The following CYGB variants were observed in gnomAD, a reference collection of about 807,000 sequenced individuals.
CYGB encodes cytoglobin.
A neutral mutation model predicts 20.7 loss-of-function variants in CYGB; 13 were observed. The ratio of observed to expected loss-of-function variants is 0.63; its 90% CI spans 0.41 to 1.00. The LOEUF (loss-of-function observed/expected upper bound fraction) is 1.00, where lower values mean the gene tolerates loss of function less well. Among genes scored for constraint, CYGB ranks in the 50% least tolerant of loss-of-function variants. The probability of loss-of-function intolerance (pLI) is 0.00; values close to 1 mark genes in which losing one functional copy is unlikely to be tolerated. For missense variants in CYGB, 218 were observed against 257.2 expected (o/e 0.85, Z 1.04); for synonymous variants, 93 against 107.4 (o/e 0.87, Z 0.83).
Position 76,530,252 on chromosome 17 carries a change from C to T in CYGB, c.539+727G>A, listed in dbSNP as rs1380498075. ...TCCATTCAGCTCCCAGAGTCAGCCT[C>T]CCCTTGGGGGCCCAGGGAGGCCGAG... On this transcript the variant is annotated intron_variant, in intron 3 of 3. Transcript: ENST00000293230. The surrounding 1 kb of genome is among the most constrained non-coding windows in gnomAD (Gnocchi z 6.1). Among the ~76,000 whole-genome samples, 1 of 151,998 alleles carries T rather than the reference C, an allele frequency of 6.6e-6. No individual in the cohort carries two copies. The highest frequency in any genetic ancestry group is 1.5e-5 in the Non-Finnish European group (1 of 68,012).
At chr17:76,534,146 T>TTCTCTTTCTCTCTCTCTCTC in intron 1 of CYGB, among the ~76,000 whole-genome samples, 1 of 129,016 alleles carries the variant, frequency 7.8e-6, no homozygotes, top group East Asian at 2.2e-4. Flanking sequence ...CTCTTTCTCT[T>TTCTCTTTCTCTCTCTCTCTC]TCTCTCTCTC....
intron 1 of CYGB, among the ~76,000 whole-genome samples, chr17:76,534,174 C>CTT (rs2074887946): frequency 1.9e-5 from 2 of 106,072 alleles, no homozygotes; most frequent in Non-Finnish European, 4.0e-5. Context: ...CTCTCTCTCT[C>CTT]TCTTTCTTTC....
intron 1 of CYGB, chr17:76,544,438 C>T (rs915865010): frequency 6.6e-6 from 3 of 454,962 alleles, no homozygotes; most frequent in South Asian, 3.1e-5. Flanking sequence ...AGGTGCACCC[C>T]GCTGGGGAGG....
intron 1 of CYGB, chr17:76,543,740 C>T (rs1371420806): frequency 6.4e-6 from 3 of 469,144 alleles, no homozygotes; most frequent in Non-Finnish European, 1.3e-5. Context: ...CACTTGTGGT[C>T]CGAGGTGCTG....
At chr17:76,548,073 T>A (rs2075072609) in intron 1 of CYGB, among the ~76,000 whole-genome samples, 1 of 150,952 alleles carries the variant, frequency 6.6e-6, no homozygotes, top group Non-Finnish European at 1.5e-5. Context: ...CAGACATACA[T>A]GTACACACAC....
chr17:76,532,994 TC>T (rs1308432952), intron 1 of CYGB, among the ~76,000 whole-genome samples: 5 of 152,178 alleles, frequency 3.3e-5, no homozygotes, highest in Non-Finnish European at 7.4e-5. Flanking sequence ...CCTTCGTGTG[TC>T]CCCTTTGCGA....
rs189734298 is a variant in CYGB, at chr17:76,527,961, T to C, written c.*617A>G. On this transcript the variant is annotated 3_prime_UTR_variant, in exon 4 of 4. Coordinates refer to ENST00000293230, the MANE Select transcript of CYGB (RefSeq NM_134268.5). ...CCGCCAAGCCGGGTTGCCCCAGCCC[T>C]GCCCCTCCAGGCCCAGGTCCTCTGC... 8.0e-3 allele frequency: 3,015 copies of C among 377,492 alleles called. 79 individuals are homozygous for C. Among genetic ancestry groups the C allele is most frequent in the Admixed American group, 0.056 (1,874 of 33,202 alleles). 23.4% of individuals were successfully genotyped at this position (377,492 alleles called of 1,614,324 possible).
At chr17:76,542,651 G>T, upstream of CYGB, 1 of 1,534,190 alleles carries the variant, frequency 6.5e-7, no homozygotes, top group South Asian at 1.1e-5. Context: ...AGGGCTGGGA[G>T]CCGGGGAGGG....
chr17:76,540,274 G>A (rs1270410909), upstream of CYGB: 126 of 1,463,950 alleles, frequency 8.6e-5, no homozygotes, highest in South Asian at 1.1e-3. The surrounding 1 kb of genome is among the most constrained non-coding windows in gnomAD (Gnocchi z 5.0). Flanking sequence ...CATGGGGCTG[G>A]GCTGCCACCA....
chr17:76,531,826 A>G lies in CYGB; in HGVS notation c.144-135T>C, dbSNP rs2074848592. Reference sequence around the variant, plus strand: ...CCGCACCGTCACTGTTTTCACTACCATCAGTAGACCTCAGCATAGACCCTC... The same window carrying G: ...CCGCACCGTCACTGTTTTCACTACCGTCAGTAGACCTCAGCATAGACCCTC... On this transcript the variant is annotated intron_variant, in intron 1 of 3. Coordinates refer to ENST00000293230, the MANE Select transcript of CYGB (RefSeq NM_134268.5). This position sits in a 1 kb window ranked among gnomAD's most constrained non-coding sequence, Gnocchi z 7.4. 2 of 706,450 alleles carry G rather than the reference A, an allele frequency of 2.8e-6. No individual in the cohort carries two copies. The highest frequency in any genetic ancestry group is 4.7e-6 in the Non-Finnish European group (2 of 428,040). 43.8% of individuals were successfully genotyped at this position (706,450 alleles called of 1,614,324 possible).
Position 76,528,043 on chromosome 17 carries a change from C to T in CYGB, c.*535G>A. On this transcript the variant is annotated 3_prime_UTR_variant, in exon 4 of 4. Transcript: ENST00000293230. The surrounding 1 kb of genome is among the most constrained non-coding windows in gnomAD (Gnocchi z 5.8). ...CTCTGTTCTCTGCACAACCGGAACCCCTCCCTGCCCCACTCACAGGTGGGC... is the reference window on the plus strand; with the variant it reads ...CTCTGTTCTCTGCACAACCGGAACCTCTCCCTGCCCCACTCACAGGTGGGC... The T allele has an allele frequency of 8.1e-6, 3 of 368,160 alleles. No individual in the cohort carries two copies. Among genetic ancestry groups the T allele is most frequent in the South Asian group, 7.1e-5 (3 of 42,076 alleles). The allele number at this position is 368,160 out of a possible 1,614,324, so 22.8% of individuals were successfully genotyped here.
At position 76,530,978 on chromosome 17, in the gene CYGB, C is replaced by T. The variant is rs753908896; in HGVS notation, c.539+1G>A. On this transcript the variant is annotated splice_donor_variant, in intron 3 of 3. Transcript: ENST00000293230. LOFTEE classifies it high-confidence loss of function. This position sits in a 1 kb window ranked among gnomAD's most constrained non-coding sequence, Gnocchi z 6.1. The stretch of plus-strand genomic sequence containing the variant: ...CAGCCCACCCTCGCCCGCCTCCTCA[C>T]GTGGTGGCGTTGGGGACCTGCTGCA... 4.4e-6 allele frequency: 7 copies of T among 1,595,708 alleles called. No individual in the cohort carries two copies. The highest frequency in any genetic ancestry group is 2.6e-6 in the Non-Finnish European group (3 of 1,170,240).
At chr17:76,538,289 A>C (rs1255402265), upstream of CYGB, 1 of 193,566 alleles carries the variant, frequency 5.2e-6, no homozygotes, top group Non-Finnish European at 1.1e-5. Flanking sequence ...CCGCGGCGCC[A>C]CTCCCACGGC....
At chr17:76,529,022 C>G (rs1339668547) in intron 3 of CYGB, 1 of 991,262 alleles carries the variant, frequency 1.0e-6, no homozygotes, top group African/African-American at 1.8e-5. Context: ...TCGGTACACA[C>G]AGCGCCCCCT....
chr17:76,540,451 A>G, upstream of CYGB: 10 of 1,587,240 alleles, frequency 6.3e-6, no homozygotes, highest in Non-Finnish European at 8.6e-6. The surrounding 1 kb of genome is among the most constrained non-coding windows in gnomAD (Gnocchi z 5.0). Context: ...GTGGAGGGAC[A>G]GTGAGGGGCT....
intron 1 of CYGB, among the ~76,000 whole-genome samples, chr17:76,548,048 TCA>T (rs369585330): frequency 6.0e-5 from 9 of 148,842 alleles, no homozygotes; most frequent in Admixed American, 4.0e-4. Flanking sequence ...ATACGAACAT[TCA>T]CACACATACA....
chr17:76,538,687 C>A (rs977121333), upstream of CYGB, among the ~76,000 whole-genome samples: 6 of 152,254 alleles, frequency 3.9e-5, no homozygotes, highest in African/African-American at 1.4e-4. Context: ...GCAAATCCTT[C>A]CTCCTGGTGG....
chr17:76,548,029 CAT>C (rs1220322569), intron 1 of CYGB, among the ~76,000 whole-genome samples: 5 of 151,984 alleles, frequency 3.3e-5, no homozygotes, highest in Non-Finnish European at 7.4e-5. Context: ...CATACACAGA[CAT>C]ACACATATAC....
chr17:76,547,672 C>T (rs531361342), intron 1 of CYGB, among the ~76,000 whole-genome samples: 12 of 151,276 alleles, frequency 7.9e-5, no homozygotes, highest in African/African-American at 2.7e-4. Flanking sequence ...CATATTCACA[C>T]ACAGAGACAC....
Sources: allele counts gnomAD v4.1 joint callset (sites outside exome capture counted in the v4.1 genomes callset), GRCh38; gene constraint gnomAD v4.1.1; non-coding constraint Gnocchi (gnomAD v3.1); transcripts MANE v1.5; gene names NCBI Gene and HGNC (gene_info 2026-07-23, HGNC 2026-07-21).